RSL1D1: variants seen among roughly 807,000 people sequenced by gnomAD.
RSL1D1 encodes the protein ribosomal L1 domain-containing protein 1.
A neutral mutation model predicts 44.6 loss-of-function variants in RSL1D1; 34 were observed. The observed-to-expected ratio is 0.76, with a 90% CI of 0.58 to 1.02. The LOEUF is 1.02. Ranked by LOEUF, RSL1D1 falls within the 50% of genes least tolerant of loss-of-function variation. RSL1D1 has a pLI of 0.00. For synonymous variants in RSL1D1, 271 were observed against 207.4 expected (o/e 1.31, Z -2.63); for missense variants, 767 against 568.1 (o/e 1.35, Z -3.56).
rs933008460 is a variant in RSL1D1 at position 11,836,538 on chromosome 16, C to T, written c.*1249G>A. The stretch of plus-strand genomic sequence containing the variant: ...TACTTGACAATTGTGGAAACGTTAG[C>T]AATCTACTCTTCCAAGATTCCTTGG... On this transcript the variant is annotated 3_prime_UTR_variant, in exon 9 of 9. Coordinates refer to ENST00000571133, the MANE Select transcript of RSL1D1 (RefSeq NM_015659.3). 6.6e-5 allele frequency: 10 copies of T among 152,314 alleles called. No homozygotes were observed. The East Asian group carries it at 1.9e-3, about 29-fold the overall frequency. 9.4% of individuals were successfully genotyped at this position (152,314 alleles called of 1,614,324 possible).
intron 5 of RSL1D1, among the ~76,000 whole-genome samples, chr16:11,842,546 G>A (rs1363109407): frequency 2.0e-5 from 3 of 151,836 alleles, no homozygotes; most frequent in African/African-American, 7.3e-5. Flanking sequence ...ATTTTTTGTA[G>A]AGATGGGTTC....
intron 2 of RSL1D1, among the ~76,000 whole-genome samples, chr16:11,848,514 T>C (rs948100130): frequency 6.6e-6 from 1 of 152,148 alleles, no homozygotes; most frequent in African/African-American, 2.4e-5. Flanking sequence ...TCCATAAACA[T>C]AATAACTCTT....
chr16:11,843,896 G>T (rs867444010), intron 5 of RSL1D1, among the ~76,000 whole-genome samples: 189 of 57,932 alleles, frequency 3.3e-3, no homozygotes, highest in Middle Eastern at 9.8e-3. Context: ...AAAAAAAAAA[G>T]AGTAAATAGT....
intron 7 of RSL1D1, chr16:11,841,340 C>G (rs2053762525): frequency 5.6e-6 from 1 of 179,206 alleles, no homozygotes; most frequent in African/African-American, 2.4e-5. Flanking sequence ...CTCAGGAGGT[C>G]AAGGCTGCCG....
chr16:11,846,269 C>T (rs911740492), intron 5 of RSL1D1, among the ~76,000 whole-genome samples: 1 of 151,224 alleles, frequency 6.6e-6, no homozygotes, highest in African/African-American at 2.4e-5. Context: ...GTGGCAGGCG[C>T]CTGTAGTCCC....
At chr16:11,845,516 G>T (rs577152542) in intron 5 of RSL1D1, among the ~76,000 whole-genome samples, 11 of 152,236 alleles carry the variant, frequency 7.2e-5, no homozygotes, top group African/African-American at 2.6e-4. Flanking sequence ...ATCTGGAGCT[G>T]CCCCGTCCAA....
chr16:11,846,281 G>C (rs1596441905), intron 5 of RSL1D1, among the ~76,000 whole-genome samples: 1 of 151,272 alleles, frequency 6.6e-6, no homozygotes, highest in Non-Finnish European at 1.5e-5. Flanking sequence ...TGTAGTCCCA[G>C]CTACTCGGGA....
At chr16:11,840,013 T>C (rs1363199536) in intron 7 of RSL1D1, 28 bp from the exon 8 acceptor site, 44 of 1,605,056 alleles carry the variant, frequency 2.7e-5, no homozygotes, top group Non-Finnish European at 3.7e-5. Context: ...ACAAACATTT[T>C]AGCAGGAACA....
chr16:11,841,932 T>G lies in RSL1D1; in HGVS notation c.704A>C (p.Lys235Thr). ...HIIENIVAVT[K>T]GLSEKLPEKW... is the part of the protein sequence containing the mutation. ...CTCTGGCAATTTTTCTGAAAGTCCT[T>G]TGGTGACAGCAACAATGTTTTCAAT... The change falls in exon 6 of 9, where the codon AAA (lysine) becomes ACA (threonine). Residue 235 changes from lysine to threonine, a missense_variant. Physicochemically the swap from Lys to Thr is moderately conservative, Grantham distance 78 (BLOSUM62 -1). Transcript: ENST00000571133. 1 of 1,614,050 alleles carries G rather than the reference T, an allele frequency of 6.2e-7. No homozygotes were observed. The highest frequency in any genetic ancestry group is 1.3e-5 in the African/African-American group (1 of 75,058).
rs1330765560 is a variant in RSL1D1 at position 11,839,546 on chromosome 16, A to C, written c.1146+149T>G. 8 of 621,264 alleles carry C rather than the reference A, an allele frequency of 1.3e-5. No individual in the cohort carries two copies. The East Asian group carries it at 2.3e-4, about 18-fold the overall frequency. The allele number at this position is 621,264 out of a possible 1,614,324, so 38.5% of individuals were successfully genotyped here. On this transcript the variant is annotated intron_variant, in intron 8 of 8. Coordinates refer to ENST00000571133, the MANE Select transcript of RSL1D1 (RefSeq NM_015659.3). Reference sequence around the variant, plus strand: ...CCATCTAAAAAAAAAAAAAAAAAAAAGGTACAATAAATCATGATATGATAA... The same window carrying C: ...CCATCTAAAAAAAAAAAAAAAAAAACGGTACAATAAATCATGATATGATAA...
chr16:11,846,792 G>A lies in RSL1D1; in HGVS notation c.436C>T (p.Leu146Phe), dbSNP rs751483507. The A allele has an allele frequency of 2.0e-5, 32 of 1,612,990 alleles. No homozygotes were observed. Among genetic ancestry groups the A allele is most frequent in the Non-Finnish European group, 2.5e-5 (29 of 1,179,186 alleles). Residue 146 changes from leucine (L) to phenylalanine (F), a missense_variant, in exon 4 of 9, where the codon CTC (leucine) becomes TTC (phenylalanine). Transcript: ENST00000571133. ...AAATCAAAACTGCTCAGAAGGCGGA[G>A]CTTGGCTTCATAGGATTTATATTCC... Reference protein sequence around the residue: ...KKEYKSYEAKLRLLSSFDFFL... With the variant: ...KKEYKSYEAKFRLLSSFDFFL...
At chr16:11,843,606 C>T (rs1283463798) in intron 5 of RSL1D1, among the ~76,000 whole-genome samples, 1 of 151,836 alleles carries the variant, frequency 6.6e-6, no homozygotes. Context: ...TGGTGGCTCA[C>T]GCCTGTAATC....
At chr16:11,850,103 A>T (rs1374469373) in intron 2 of RSL1D1, among the ~76,000 whole-genome samples, 176 bp downstream of exon 2, 1 of 152,242 alleles carries the variant, frequency 6.6e-6, no homozygotes, top group African/African-American at 2.4e-5. Flanking sequence ...CTGGGATTAC[A>T]GGTGTGAGCC....
intron 2 of RSL1D1, among the ~76,000 whole-genome samples, chr16:11,848,142 A>C (rs2053812396): frequency 6.6e-6 from 1 of 152,122 alleles, no homozygotes; most frequent in Non-Finnish European, 1.5e-5. Flanking sequence ...AATCCCAGCT[A>C]CTTGAGAGTC....
Position 11,841,991 on chromosome 16 carries a change from A to T in RSL1D1, c.645T>A (p.Arg215=). 1 of 1,609,040 alleles carries T rather than the reference A, an allele frequency of 6.2e-7. No individual in the cohort carries two copies. The highest frequency in any genetic ancestry group is 8.5e-7 in the Non-Finnish European group (1 of 1,177,632). The change falls in exon 6 of 9, where the codon CGT becomes CGA. Residue 215 remains arginine (R), a synonymous_variant. Transcript: ENST00000571133. ...ISKSGSCSAI[R]IGHVGMQIEH... The stretch of plus-strand genomic sequence containing the variant: ...CAATTTGCATTCCAACGTGACCAAT[A>T]CGTATAGCACTGAAATTTAATATAG...
Position 11,841,761 on chromosome 16 carries a change from G to A in RSL1D1, c.789C>T (p.Ile263=), listed in dbSNP as rs368069170. ...VKTEKSAALP[I]FSSFVSNWDE... is the part of the protein sequence containing the mutation. ...CCCAATTGCTGACAAACGAGGAAAA[G>A]ATGGGAAGTGCAGCCGATTTCTCAG... The change falls in exon 7 of 9, where the codon ATC becomes ATT. Residue 263 remains isoleucine (I), a synonymous_variant. Coordinates refer to ENST00000571133, the MANE Select transcript of RSL1D1 (RefSeq NM_015659.3). 374 of 1,613,982 alleles carry A rather than the reference G, an allele frequency of 2.3e-4. No individual in the cohort carries two copies. Among genetic ancestry groups the A allele is most frequent in the Non-Finnish European group, 2.9e-4 (345 of 1,179,984 alleles).
chr16:11,847,889 CTT>C, intron 2 of RSL1D1, 83 bp from the exon 3 acceptor site: 1 of 1,371,276 alleles, frequency 7.3e-7, no homozygotes, highest in Non-Finnish European at 1.0e-6. Flanking sequence ...ACGCGATAAA[CTT>C]AGTGTTATTT....
chr16:11,835,054 G>C lies in RSL1D1; in HGVS notation c.*2733C>G, dbSNP rs184695700. 24 of 152,378 alleles carry C rather than the reference G, an allele frequency of 1.6e-4. No individual in the cohort carries two copies. The East Asian group carries it at 4.6e-3, about 29-fold the overall frequency. The allele number at this position is 152,378 out of a possible 1,614,324, so 9.4% of individuals were successfully genotyped here. On this transcript the variant is annotated 3_prime_UTR_variant, in exon 9 of 9. Coordinates refer to ENST00000571133, the MANE Select transcript of RSL1D1 (RefSeq NM_015659.3). ...TTGAGCCCAGGAAATTGAGGCTGGA[G>C]CTGTGATGACACTAGTGCACTCCAG...
chr16:11,849,429 A>C (rs1235890656), intron 2 of RSL1D1: 1 of 152,110 alleles, frequency 6.6e-6, no homozygotes, highest in Non-Finnish European at 1.5e-5. Flanking sequence ...ATCGAAACCA[A>C]AAACATGGAC....
Sources: gnomAD v4.1 joint callset for allele counts (sites outside exome capture counted in the v4.1 genomes callset) on GRCh38, gnomAD v4.1.1 for gene constraint, MANE v1.5 for transcripts, NCBI Gene and HGNC (gene_info 2026-07-23, HGNC 2026-07-21) for gene names.